CCDC69: variants seen among roughly 807,000 people sequenced by gnomAD.
CCDC69 encodes coiled-coil domain containing 69.
Under a neutral mutation model 40.3 loss-of-function variants are expected in CCDC69, and 38 were observed. The observed-to-expected ratio is 0.94, with a 90% CI of 0.73 to 1.24. The LOEUF is 1.24. CCDC69 is among the 50% of genes most tolerant of loss of function. The pLI, the probability that CCDC69 is intolerant of heterozygous loss-of-function variation, is 0.00. For synonymous variants in CCDC69, 141 were observed against 138.9 expected (o/e 1.02, Z -0.11); for missense variants, 389 against 357.9 (o/e 1.09, Z -0.70).
intron 4 of CCDC69, among the ~76,000 whole-genome samples, chr5:151,195,626 G>GA: frequency 7.0e-6 from 1 of 142,882 alleles, no homozygotes. Flanking sequence ...GGCTGAGGCA[G>GA]AAGAATCACT....
In CCDC69 at chr5:151,181,640, G is replaced by A. The variant is rs2113981842; in HGVS notation, c.*1797C>T. On this transcript the variant is annotated 3_prime_UTR_variant, in exon 9 of 9. Transcript: ENST00000355417. ...AGGCTGGATACTTAGCTCCCTTCTT[G>A]TAAGTTTGCCACACACATTGGCATA... 1 of 152,354 alleles carries A rather than the reference G, an allele frequency of 6.6e-6. No individual in the cohort carries two copies. Among genetic ancestry groups the A allele is most frequent in the South Asian group, 2.1e-4 (1 of 4,832 alleles). The allele number at this position is 152,354 out of a possible 1,614,324, so 9.4% of individuals were successfully genotyped here.
In CCDC69 at chr5:151,224,002, C is replaced by T; in HGVS notation, c.-32G>A. 6.5e-7 allele frequency: 1 copy of T among 1,543,538 alleles called. No individual in the cohort carries two copies. The highest frequency in any genetic ancestry group is 8.7e-7 in the Non-Finnish European group (1 of 1,151,486). ...CCGGGGGCTCCCGGACGCCGCTTCCCAACTCCGGGGCCCCCAGAGGAGCCT... is the reference window on the plus strand; with the variant it reads ...CCGGGGGCTCCCGGACGCCGCTTCCTAACTCCGGGGCCCCCAGAGGAGCCT... On this transcript the variant is annotated 5_prime_UTR_variant, in exon 1 of 9. Coordinates refer to ENST00000355417, the MANE Select transcript of CCDC69 (RefSeq NM_015621.3).
Position 151,197,785 on chromosome 5 carries a change from A to T in CCDC69, c.319+1212T>A, listed in dbSNP as rs545376361. Reference sequence around the variant, plus strand: ...TAAAACCGGGGTTGATTATGTAAGTATCATTGCTGTTATAGACAATGAGAA... The same window carrying T: ...TAAAACCGGGGTTGATTATGTAAGTTTCATTGCTGTTATAGACAATGAGAA... On this transcript the variant is annotated intron_variant, in intron 4 of 8. Coordinates refer to ENST00000355417, the MANE Select transcript of CCDC69 (RefSeq NM_015621.3). Among the ~76,000 whole-genome samples, 6 of 152,356 alleles carry T rather than the reference A, an allele frequency of 3.9e-5. No homozygotes were observed. The East Asian group carries it at 9.6e-4, about 24-fold the overall frequency.
chr5:151,191,450 G>A (rs996548933), intron 4 of CCDC69, among the ~76,000 whole-genome samples: 1 of 152,086 alleles, frequency 6.6e-6, no homozygotes, highest in South Asian at 2.1e-4. Context: ...CATGAAACAA[G>A]ATCGACCATA....
rs1051828631 is a variant in CCDC69, at chr5:151,215,573, G to A, written c.48+8350C>T. The A allele has an allele frequency of 2.2e-5, 8 of 370,562 alleles. No individual in the cohort carries two copies. In the East Asian group the frequency reaches 2.6e-4, roughly 12 times the overall value. The allele number at this position is 370,562 out of a possible 1,614,324, so 23.0% of individuals were successfully genotyped here. ...TGGAGGGGGCTTCTCTGGAGAGCAG[G>A]AAAGGAGGGTCCCTTGCTCAGGAGG... On this transcript the variant is annotated intron_variant, in intron 1 of 8. Transcript: ENST00000355417.
chr5:151,216,572 C>T (rs567162769), intron 1 of CCDC69, among the ~76,000 whole-genome samples: 6 of 151,712 alleles, frequency 4.0e-5, no homozygotes, highest in South Asian at 2.1e-4. Flanking sequence ...ACGTGCCACA[C>T]GCCCGGCTAA....
intron 2 of CCDC69, 151 bp downstream of exon 2, chr5:151,205,249 A>T: frequency 1.4e-6 from 1 of 701,608 alleles, no homozygotes; most frequent in Non-Finnish European, 2.6e-6. Flanking sequence ...CAGGACTATT[A>T]ATTACCTCCC....
chr5:151,207,415 T>C (rs981259578), intron 1 of CCDC69, among the ~76,000 whole-genome samples: 1 of 151,684 alleles, frequency 6.6e-6, no homozygotes, highest in Non-Finnish European at 1.5e-5. Flanking sequence ...CCTCAGCCTC[T>C]CGAGTAGCTG....
intron 6 of CCDC69, 122 bp from the exon 7 acceptor site, chr5:151,185,663 T>C: frequency 1.0e-6 from 1 of 967,262 alleles, no homozygotes; most frequent in African/African-American, 1.6e-5. Flanking sequence ...CCATGTTAAG[T>C]GTTTAATATG....
intron 7 of CCDC69, 126 bp from the exon 8 acceptor site, chr5:151,184,567 G>A: frequency 1.7e-6 from 1 of 581,848 alleles, no homozygotes; most frequent in Non-Finnish European, 3.1e-6. Context: ...TACATTTCAT[G>A]GAGCAATAAG....
intron 2 of CCDC69, among the ~76,000 whole-genome samples, chr5:151,202,490 C>T (rs1363696046): frequency 2.6e-5 from 4 of 152,224 alleles, no homozygotes. Flanking sequence ...GCCTTCATGT[C>T]AACCAGGGGC....
intron 4 of CCDC69, among the ~76,000 whole-genome samples, chr5:151,195,323 G>A (rs1752681840): frequency 6.6e-6 from 1 of 152,154 alleles, no homozygotes; most frequent in Non-Finnish European, 1.5e-5. Flanking sequence ...TTCCCATAAA[G>A]TCTTGTGAGG....
intron 5 of CCDC69, among the ~76,000 whole-genome samples, chr5:151,186,560 C>T (rs115995108): frequency 0.023 from 3,508 of 152,116 alleles, 58 homozygotes; most frequent in African/African-American, 0.044. Context: ...CAATGTCCTG[C>T]TATAAAAGAT....
rs1336996012 is a variant in CCDC69 at position 151,183,433 on chromosome 5, C to T, written c.*4G>A. On this transcript the variant is annotated 3_prime_UTR_variant, in exon 9 of 9. Transcript: ENST00000355417. The stretch of plus-strand genomic sequence containing the variant: ...GGCGTCGTGGTGGGCCCAGGCCCTG[C>T]ACCCTATGTGGCGAGGAAAGAGACC... 3.1e-6 allele frequency: 5 copies of T among 1,598,754 alleles called. No individual in the cohort carries two copies. Among genetic ancestry groups the T allele is most frequent in the Middle Eastern group, 1.7e-4 (1 of 6,044 alleles).
At chr5:151,210,535 C>A (rs1421482337) in intron 1 of CCDC69, 20 of 151,774 alleles carry the variant, frequency 1.3e-4, no homozygotes, top group Non-Finnish European at 2.8e-4. Flanking sequence ...CAGAGTGAGA[C>A]CCTGTCCCAA....
At position 151,182,966 on chromosome 5, in the gene CCDC69, G is replaced by T. The variant is rs964004981; in HGVS notation, c.*471C>A. The T allele has an allele frequency of 2.4e-5, 11 of 449,568 alleles. No individual in the cohort carries two copies. Among genetic ancestry groups the T allele is most frequent in the African/African-American group, 1.4e-4 (7 of 50,054 alleles). 27.8% of individuals were successfully genotyped at this position (449,568 alleles called of 1,614,324 possible). Reference sequence around the variant, plus strand: ...CAGTGACATAAGAGTCCTTTGACCAGTCCCCCCACCATTTTAATGCAGGGG... The same window carrying T: ...CAGTGACATAAGAGTCCTTTGACCATTCCCCCCACCATTTTAATGCAGGGG... On this transcript the variant is annotated 3_prime_UTR_variant, in exon 9 of 9. Transcript: ENST00000355417.
chr5:151,212,895 C>A, intron 1 of CCDC69: 1 of 456,222 alleles, frequency 2.2e-6, no homozygotes, highest in Non-Finnish European at 4.4e-6. Context: ...AACTGGTAGG[C>A]TGCCTCATTG....
At chr5:151,208,550 G>A (rs1752885467) in intron 1 of CCDC69, among the ~76,000 whole-genome samples, 1 of 152,202 alleles carries the variant, frequency 6.6e-6, no homozygotes, top group Non-Finnish European at 1.5e-5. Context: ...TGACAATTTA[G>A]CTCCCCCACC....
chr5:151,185,421 C>T lies in CCDC69; in HGVS notation c.615+1G>A. On this transcript the variant is annotated splice_donor_variant, in intron 7 of 8. Transcript: ENST00000355417. LOFTEE classifies it high-confidence loss of function. ...TCCCCCAGCCACTCCCAGTCACAGA[C>T]CACTGTTTCCATGAGGATCAGCCGC... is the stretch of plus-strand genomic sequence containing the variant. The T allele has an allele frequency of 1.2e-6, 2 of 1,613,796 alleles. No individual in the cohort carries two copies. Among genetic ancestry groups the T allele is most frequent in the Non-Finnish European group, 1.7e-6 (2 of 1,179,744 alleles).
Sources: gnomAD v4.1 joint callset for allele counts (sites outside exome capture counted in the v4.1 genomes callset) on GRCh38, gnomAD v4.1.1 for gene constraint, MANE v1.5 for transcripts, NCBI Gene and HGNC (gene_info 2026-07-23, HGNC 2026-07-21) for gene names.